The following TRMO variants were observed in gnomAD, a reference collection of about 807,000 sequenced individuals.
TRMO encodes tRNA (adenine(37)-N6)-methyltransferase.
In TRMO, 30 loss-of-function variants were observed where a neutral mutation model predicts 37.2. The ratio of observed to expected loss-of-function variants is 0.81; its 90% CI spans 0.60 to 1.09. The LOEUF (loss-of-function observed/expected upper bound fraction) is 1.09, where lower values mean the gene tolerates loss of function less well. TRMO is among the 50% of genes least tolerant of loss of function. The probability of loss-of-function intolerance (pLI) is 0.00; values close to 1 mark genes in which losing one functional copy is unlikely to be tolerated. For missense variants in TRMO, 552 were observed against 549.5 expected (o/e 1.00, Z -0.05); for synonymous variants, 239 against 199.4 (o/e 1.20, Z -1.67).
chr9:97,904,873 G>C lies in TRMO; in HGVS notation c.1186C>G (p.Leu396Val), dbSNP rs147875742. 3 of 1,614,076 alleles carry C rather than the reference G, an allele frequency of 1.9e-6. No homozygotes were observed. Among genetic ancestry groups the C allele is most frequent in the Non-Finnish European group, 1.7e-6 (2 of 1,180,050 alleles). Residue 396 changes from leucine to valine, a missense_variant, in exon 5 of 5, where the codon CTT becomes GTT. Coordinates refer to ENST00000375119, the MANE Select transcript of TRMO (RefSeq NM_016481.5). Reference sequence around the variant, plus strand: ...GCTATGTCTACAGTAAAGTAGAAAAGGCGGTCCTGGCAAAGCTTCCGGCGG... The same window carrying C: ...GCTATGTCTACAGTAAAGTAGAAAACGCGGTCCTGGCAAAGCTTCCGGCGG... The part of the protein sequence containing the change: ...VYRRKLCQDR[L>V]FYFTVDIAHV...
At chr9:97,912,901 T>C (rs922691397) in intron 3 of TRMO, 25 of 1,303,468 alleles carry the variant, frequency 1.9e-5, no homozygotes, top group Non-Finnish European at 2.3e-5. Flanking sequence ...TGTAGTGTGA[T>C]TCATCCCAGA....
chr9:97,919,551 A>G (rs1404594554), intron 1 of TRMO, among the ~76,000 whole-genome samples: 2 of 152,256 alleles, frequency 1.3e-5, no homozygotes, highest in Non-Finnish European at 2.9e-5. Context: ...AACTCTTACT[A>G]CAGTGGAATT....
downstream of TRMO, among the ~76,000 whole-genome samples, chr9:97,904,174 C>A (rs1188060257): frequency 6.6e-6 from 1 of 152,146 alleles, no homozygotes; most frequent in African/African-American, 2.4e-5. Context: ...AAAGAAATCT[C>A]AGAGAGTCTC....
intron 1 of TRMO, among the ~76,000 whole-genome samples, chr9:97,916,942 G>A (rs1310033691): frequency 1.3e-5 from 2 of 148,358 alleles, no homozygotes; most frequent in Non-Finnish European, 3.0e-5. Context: ...TTGAACTCCT[G>A]ACCCGCCCAC....
At chr9:97,908,248 T>C (rs1009027855) in intron 4 of TRMO, among the ~76,000 whole-genome samples, 5 of 151,960 alleles carry the variant, frequency 3.3e-5, no homozygotes, top group African/African-American at 9.7e-5. Context: ...CAGTCTCTAC[T>C]AAAAATACAA....
At chr9:97,909,046 C>T (rs1255772534) in intron 4 of TRMO, among the ~76,000 whole-genome samples, 1 of 152,138 alleles carries the variant, frequency 6.6e-6, no homozygotes. Flanking sequence ...CCTCTGCCTC[C>T]TAGGTTCAAG....
At chr9:97,920,191 GA>G (rs774823457) in intron 1 of TRMO, among the ~76,000 whole-genome samples, 7 of 152,182 alleles carry the variant, frequency 4.6e-5, no homozygotes, top group Non-Finnish European at 8.8e-5. Flanking sequence ...GTACAAATAT[GA>G]ACCAGTTCTC....
At chr9:97,909,532 T>A (rs561288150) in intron 4 of TRMO, among the ~76,000 whole-genome samples, 87 of 152,344 alleles carry the variant, frequency 5.7e-4, no homozygotes, top group African/African-American at 2.0e-3. Context: ...TGCCAGAGGC[T>A]GAGCTATCGA....
intron 2 of TRMO, chr9:97,915,695 G>C (rs1165787275): frequency 2.0e-5 from 3 of 152,166 alleles, no homozygotes; most frequent in Non-Finnish European, 2.9e-5. Flanking sequence ...CAACAGGCTG[G>C]TTCAAAGGTA....
chr9:97,920,128 A>T (rs1826559529), intron 1 of TRMO, among the ~76,000 whole-genome samples: 1 of 152,238 alleles, frequency 6.6e-6, no homozygotes, highest in Non-Finnish European at 1.5e-5. Flanking sequence ...ACAAAAACCC[A>T]AAAGAACAGT....
chr9:97,900,678 T>C (rs1282418100), downstream of TRMO: 5 of 659,322 alleles, frequency 7.6e-6, no homozygotes, highest in Non-Finnish European at 9.4e-6. Flanking sequence ...CTCCACCCAA[T>C]GTACGAAAAG....
chr9:97,919,224 C>G (rs1295479074), intron 1 of TRMO, among the ~76,000 whole-genome samples: 1 of 151,868 alleles, frequency 6.6e-6, no homozygotes, highest in African/African-American at 2.4e-5. Flanking sequence ...TTCTTTATGT[C>G]TGGAAGATAA....
intron 1 of TRMO, among the ~76,000 whole-genome samples, chr9:97,922,119 T>C (rs1019236761): frequency 5.9e-5 from 9 of 152,158 alleles, no homozygotes; most frequent in African/African-American, 2.2e-4. Context: ...CCATACGCTA[T>C]GGCAAGGAAA....
chr9:97,915,516 C>T (rs1411252447), intron 2 of TRMO, among the ~76,000 whole-genome samples: 1 of 152,144 alleles, frequency 6.6e-6, no homozygotes, highest in Non-Finnish European at 1.5e-5. Flanking sequence ...AGAATAATGA[C>T]CCAGGGGCAG....
chr9:97,916,848 G>A (rs1826390074), intron 1 of TRMO, among the ~76,000 whole-genome samples: 1 of 151,274 alleles, frequency 6.6e-6, no homozygotes, highest in African/African-American at 2.4e-5. Context: ...TGGGATTACA[G>A]GCGCCCACCA....
intron 4 of TRMO, among the ~76,000 whole-genome samples, chr9:97,909,300 C>T (rs528612738): frequency 6.6e-6 from 1 of 152,250 alleles, no homozygotes; most frequent in African/African-American, 2.4e-5. Flanking sequence ...ATCTTAACAG[C>T]CCCTTCCTTC....
intron 1 of TRMO, among the ~76,000 whole-genome samples, chr9:97,920,910 C>T (rs2131543169): frequency 6.6e-6 from 1 of 152,260 alleles, no homozygotes; most frequent in East Asian, 1.9e-4. Context: ...ATTTCTTAGC[C>T]TGGTACTCAA....
chr9:97,897,174 A>C, the TRMO span, among the ~76,000 whole-genome samples: 1 of 152,278 alleles, frequency 6.6e-6, no homozygotes, highest in South Asian at 2.1e-4. Flanking sequence ...TCCTTTAAAA[A>C]TAAAAACAGT....
At chr9:97,912,755 T>G (rs1826180788) in intron 3 of TRMO, 4 of 385,502 alleles carry the variant, frequency 1.0e-5, no homozygotes, top group South Asian at 6.1e-5. Flanking sequence ...TACCTGCCAT[T>G]TCATCTGCTG....
Sources: allele counts gnomAD v4.1 joint callset (sites outside exome capture counted in the v4.1 genomes callset), GRCh38; gene constraint gnomAD v4.1.1; transcripts MANE v1.5; gene names NCBI Gene and HGNC (gene_info 2026-07-23, HGNC 2026-07-21).